Variants in CTNNA2 observed in about 807,000 individuals in gnomAD.
CTNNA2 encodes catenin alpha-2.
In CTNNA2, 42 loss-of-function variants were observed where a neutral mutation model predicts 101.0. The observed-to-expected ratio is 0.42, with a 90% CI of 0.32 to 0.54. CTNNA2 has a LOEUF of 0.54. Ranked by LOEUF, CTNNA2 falls within the 20% of genes least tolerant of loss-of-function variation. The pLI, the probability that CTNNA2 is intolerant of heterozygous loss-of-function variation, is 0.14. For missense variants in CTNNA2, 871 were observed against 1,223.1 expected (o/e 0.71, Z 4.29); for synonymous variants, 450 against 456.4 (o/e 0.99, Z 0.18).
intron 7 of CTNNA2, among the ~76,000 whole-genome samples, chr2:80,273,982 T>C (rs1224130842): frequency 6.6e-6 from 1 of 152,174 alleles, no homozygotes; most frequent in African/African-American, 2.4e-5. Flanking sequence ...TGTATCCCAG[T>C]GCTTAGTGCC....
intron 18 of CTNNA2, among the ~76,000 whole-genome samples, chr2:80,629,573 G>A (rs1235601593): frequency 3.3e-5 from 5 of 152,116 alleles, no homozygotes; most frequent in African/African-American, 1.2e-4. Context: ...GAAACCTATA[G>A]GCTATAGTGA....
chr2:79,984,387 A>G (rs923979424), intron 7 of CTNNA2, among the ~76,000 whole-genome samples: 1 of 152,122 alleles, frequency 6.6e-6, no homozygotes, highest in Non-Finnish European at 1.5e-5. Context: ...TCTCACTTCA[A>G]TATTAAAAGA....
intron 11 of CTNNA2, among the ~76,000 whole-genome samples, chr2:80,553,279 C>A (rs1692748566): frequency 6.6e-6 from 1 of 151,580 alleles, no homozygotes; most frequent in African/African-American, 2.4e-5. Flanking sequence ...AATTATAAAA[C>A]TAATACTTTG....
intron 8 of CTNNA2, among the ~76,000 whole-genome samples, chr2:80,399,886 A>C (rs1678396255): frequency 6.6e-6 from 1 of 152,226 alleles, no homozygotes; most frequent in African/African-American, 2.4e-5. Flanking sequence ...GGTGACTGAA[A>C]TAACAAAGAT....
intron 7 of CTNNA2, among the ~76,000 whole-genome samples, chr2:80,070,002 T>C (rs1290236071): frequency 6.6e-6 from 1 of 152,230 alleles, no homozygotes; most frequent in Non-Finnish European, 1.5e-5. Context: ...AGAGATCTTC[T>C]ATATTCCAGA....
intron 4 of CTNNA2, among the ~76,000 whole-genome samples, chr2:79,863,151 A>C (rs200945086): frequency 0.19 from 19,076 of 99,020 alleles, 1,585 homozygotes; most frequent in African/African-American, 0.35. Flanking sequence ...AACAAACAAC[A>C]AAAAAAAGTT....
At chr2:79,251,257 C>T (rs1403244773) in intron 2 of CTNNA2, among the ~76,000 whole-genome samples, 1 of 152,148 alleles carries the variant, frequency 6.6e-6, no homozygotes, top group African/African-American at 2.4e-5. Context: ...AGTTTATGCT[C>T]TGTTACTGAT....
rs1709495635 is a variant in CTNNA2 at position 80,235,430 on chromosome 2, C to T, written c.1057-157781C>T. On this transcript the variant is annotated intron_variant, in intron 7 of 18. Transcript: ENST00000402739. ...TGCAAACACTAATAACAGTAGATGC[C>T]AGTCAAGGCCAAGTGTGGGGCTGCC... 5.3e-5 allele frequency among the ~76,000 whole-genome samples: 8 copies of T among 152,234 alleles called. No homozygotes were observed. The South Asian group carries it at 1.5e-3, about 28-fold the overall frequency.
chr2:80,255,563 T>A (rs1672079859), intron 7 of CTNNA2, among the ~76,000 whole-genome samples: 1 of 152,202 alleles, frequency 6.6e-6, no homozygotes, highest in Admixed American at 6.6e-5. Flanking sequence ...ACTAACTTGT[T>A]TCAAAGAGAA....
intron 2 of CTNNA2, among the ~76,000 whole-genome samples, chr2:79,672,596 T>C (rs772696480): frequency 2.6e-5 from 4 of 152,114 alleles, no homozygotes; most frequent in Non-Finnish European, 4.4e-5. Context: ...CCTAAGTTAA[T>C]GTATGTTTTT....
chr2:79,880,912 G>T (rs557680495), intron 6 of CTNNA2, among the ~76,000 whole-genome samples: 3 of 152,080 alleles, frequency 2.0e-5, no homozygotes, highest in African/African-American at 7.2e-5. Flanking sequence ...TGTGATGTTA[G>T]TGTGTCGACT....
intron 7 of CTNNA2, among the ~76,000 whole-genome samples, chr2:80,141,747 C>G (rs1703023874): frequency 6.6e-6 from 1 of 152,002 alleles, no homozygotes; most frequent in Non-Finnish European, 1.5e-5. Flanking sequence ...CTAGCTAGCC[C>G]TGAGAAGTAA....
chr2:79,894,053 CTT>C (rs1558619642), intron 6 of CTNNA2, among the ~76,000 whole-genome samples: 5,841 of 118,586 alleles, frequency 0.049, 147 homozygotes, highest in Admixed American at 0.094. Context: ...TCTTCTTCTT[CTT>C]CTTCTTCTTC....
In CTNNA2 at chr2:79,610,904, A is replaced by G. The variant is rs183628041; in HGVS notation, c.-5-40648A>G. Reference sequence around the variant, plus strand: ...AAGTAACATGCAAATTGGTGAGTACAATATGATCTTGAAGAACCAGTAACA... The same window carrying G: ...AAGTAACATGCAAATTGGTGAGTACGATATGATCTTGAAGAACCAGTAACA... On this transcript the variant is annotated intron_variant, in intron 1 of 18. Transcript: ENST00000402739. Among the ~76,000 whole-genome samples, 11 of 152,290 alleles carry G rather than the reference A, an allele frequency of 7.2e-5. No individual in the cohort carries two copies. In the East Asian group the frequency reaches 1.5e-3, roughly 21 times the overall value.
chr2:80,525,230 C>G (rs1026236876), intron 9 of CTNNA2, among the ~76,000 whole-genome samples: 11 of 151,682 alleles, frequency 7.3e-5, no homozygotes, highest in African/African-American at 2.7e-4. Flanking sequence ...TTTTTGCTAC[C>G]CTGCCTCCCC....
chr2:79,295,823 GATTA>G (rs2104385870), intron 2 of CTNNA2, among the ~76,000 whole-genome samples: 1 of 151,902 alleles, frequency 6.6e-6, no homozygotes, highest in South Asian at 2.1e-4. Flanking sequence ...ATACAACTTG[GATTA>G]ATTGAGTACT....
In CTNNA2 at chr2:80,647,921, TTTTCTTTTTA is replaced by T; in HGVS notation, c.*50_*59del. The T allele has an allele frequency of 6.6e-7, 1 of 1,513,942 alleles. No homozygotes were observed. Among genetic ancestry groups the T allele is most frequent in the Non-Finnish European group, 8.8e-7 (1 of 1,130,934 alleles). 93.8% of individuals were successfully genotyped at this position (1,513,942 alleles called of 1,614,324 possible). A position where few individuals can be genotyped will look rare whatever the true frequency, so the allele number is the denominator to read the frequency against. On this transcript the variant is annotated 3_prime_UTR_variant, in exon 19 of 19. Coordinates refer to ENST00000402739, the MANE Select transcript of CTNNA2 (RefSeq NM_001282597.3). ...CTTTTTCTTTCTTTTCTTTCTTTCT[TTTTCTTTTTA>T]ATTCCATTTTTGTATGCATACCTGC... is the stretch of plus-strand genomic sequence containing the variant.
At chr2:79,670,767 G>A (rs986276736) in intron 2 of CTNNA2, among the ~76,000 whole-genome samples, 20 of 152,088 alleles carry the variant, frequency 1.3e-4, no homozygotes, top group African/African-American at 4.6e-4. Flanking sequence ...TGTGATTAAC[G>A]CTTTTGCTCT....
intron 7 of CTNNA2, among the ~76,000 whole-genome samples, chr2:80,089,120 G>A (rs1006028808): frequency 2.6e-5 from 4 of 151,958 alleles, no homozygotes; most frequent in African/African-American, 9.7e-5. Flanking sequence ...TACCACTTTA[G>A]AGGAACTACT....
Sources: allele counts gnomAD v4.1 joint callset (sites outside exome capture counted in the v4.1 genomes callset), GRCh38; gene constraint gnomAD v4.1.1; transcripts MANE v1.5; gene names NCBI Gene and HGNC (gene_info 2026-07-23, HGNC 2026-07-21).